The following SLC49A3 variants were observed in gnomAD, a reference collection of about 807,000 sequenced individuals.
The protein encoded by SLC49A3 is solute carrier family 49 member 3.
In SLC49A3, 50 loss-of-function variants were observed where a neutral mutation model predicts 43.8. The observed-to-expected ratio is 1.14, with a 90% CI of 0.91 to 1.45. The LOEUF (loss-of-function observed/expected upper bound fraction) is 1.45. Among genes scored for constraint, SLC49A3 ranks in the 40% most tolerant of loss-of-function variants. SLC49A3 has a pLI of 0.00. For synonymous variants in SLC49A3, 413 were observed against 352.0 expected (o/e 1.17, Z -1.94); for missense variants, 906 against 774.1 (o/e 1.17, Z -2.02).
upstream of SLC49A3, chr4:689,225 C>A (rs1741639624): frequency 3.8e-6 from 3 of 781,760 alleles, no homozygotes; most frequent in Non-Finnish European, 5.1e-6. Context: ...GGAGGTGGGG[C>A]CGGGCCGGGC....
chr4:677,195 C>T (rs1475738902), downstream of SLC49A3, among the ~76,000 whole-genome samples: 1 of 152,214 alleles, frequency 6.6e-6, no homozygotes, highest in Non-Finnish European at 1.5e-5. Flanking sequence ...TCCACTCAGC[C>T]TGTAGGCCTC....
At chr4:678,064 T>C, downstream of SLC49A3, 1 of 1,611,630 alleles carries the variant, frequency 6.2e-7, no homozygotes, top group Non-Finnish European at 8.5e-7. Flanking sequence ...GGGGCAGGCG[T>C]GTGGGTGTGA....
intron 1 of SLC49A3, among the ~76,000 whole-genome samples, chr4:687,509 C>T (rs1018329973): frequency 2.6e-5 from 4 of 152,212 alleles, no homozygotes; most frequent in Admixed American, 1.3e-4. Context: ...CCAGGCCCAG[C>T]TGGTGCCTGC....
At chr4:681,280 G>C, downstream of SLC49A3, 1 of 988,634 alleles carries the variant, frequency 1.0e-6, no homozygotes, top group South Asian at 1.5e-5. Context: ...GGGGGCTCCC[G>C]AAGTGCCCGT....
upstream of SLC49A3, among the ~76,000 whole-genome samples, chr4:689,862 T>A (rs1741728206): frequency 6.6e-6 from 1 of 152,204 alleles, no homozygotes; most frequent in South Asian, 2.1e-4. Flanking sequence ...CGGCTTAGTC[T>A]TTTCTGCAAG....
chr4:681,122 C>G, downstream of SLC49A3: 2 of 1,607,440 alleles, frequency 1.2e-6, no homozygotes, highest in Non-Finnish European at 1.7e-6. Flanking sequence ...CCCAGGCTGA[C>G]AAGATGACGG....
At chr4:690,058 A>G (rs1000864318), upstream of SLC49A3, among the ~76,000 whole-genome samples, 2 of 152,144 alleles carry the variant, frequency 1.3e-5, no homozygotes, top group African/African-American at 4.8e-5. Flanking sequence ...GAACAGTATT[A>G]TTCGTGGTTT....
rs1253864910 is a variant in SLC49A3 at position 682,181 on chromosome 4, G to T, written c.1457C>A (p.Thr486Lys). The T allele has an allele frequency of 7.9e-5, 107 of 1,355,486 alleles. No homozygotes were observed. Among genetic ancestry groups the T allele is most frequent in the Non-Finnish European group, 9.8e-5 (102 of 1,042,444 alleles). 84.0% of individuals were successfully genotyped at this position (1,355,486 alleles called of 1,614,324 possible). The change falls in exon 10 of 10, where the codon ACG becomes AAG. Residue 486 changes from threonine to lysine, a missense_variant. By Grantham distance (78) the Thr-to-Lys change is moderately conservative. Coordinates refer to ENST00000322224, the MANE Select transcript of SLC49A3 (RefSeq NM_032219.4). ...AGRAGVLGPSTATPECTARGA... is the reference protein window; with the variant it reads ...AGRAGVLGPSKATPECTARGA... ...CCTCGCCGTGCACTCCGGAGTCGCC[G>T]TGCTGGGCCCCAGGACCCCAGCCCT... is the stretch of plus-strand genomic sequence containing the variant.
downstream of SLC49A3, chr4:678,065 G>A (rs1424567225): frequency 1.2e-6 from 2 of 1,611,668 alleles, no homozygotes; most frequent in Admixed American, 1.7e-5. Flanking sequence ...GGGCAGGCGT[G>A]TGGGTGTGAG....
At chr4:684,140 T>C (rs1740490293) in intron 6 of SLC49A3, among the ~76,000 whole-genome samples, 1 of 152,206 alleles carries the variant, frequency 6.6e-6, no homozygotes, top group Non-Finnish European at 1.5e-5. Flanking sequence ...GCTGCACGTC[T>C]GGATACCAGA....
At chr4:681,677 G>A (rs1229257885), downstream of SLC49A3, 2 of 16,774 alleles carry the variant, frequency 1.2e-4, no homozygotes, top group Admixed American at 5.5e-4. Flanking sequence ...CCCCTCCAGC[G>A]CCGCCCCGCC....
At chr4:681,442 C>G (rs1362373954), downstream of SLC49A3, among the ~76,000 whole-genome samples, 25 of 150,940 alleles carry the variant, frequency 1.7e-4, no homozygotes, top group African/African-American at 4.9e-4. Flanking sequence ...AGCCGCCCCC[C>G]ACCCCCGACG....
At chr4:688,546 G>A (rs1036003532) in intron 1 of SLC49A3, among the ~76,000 whole-genome samples, 2 of 152,230 alleles carry the variant, frequency 1.3e-5, no homozygotes, top group African/African-American at 4.8e-5. Context: ...TGAAGGGGGT[G>A]GGGGCAGGAC....
chr4:678,569 CA>C (rs1739095014), downstream of SLC49A3: 2 of 1,517,648 alleles, frequency 1.3e-6, no homozygotes, highest in South Asian at 2.5e-5. Context: ...GTCCACCCTT[CA>C]TCTGAGTTAA....
At chr4:679,051 A>T, downstream of SLC49A3, 1 of 1,610,212 alleles carries the variant, frequency 6.2e-7, no homozygotes, top group East Asian at 2.2e-5. Context: ...CCCAGGCAGA[A>T]CGCCTCAGAG....
chr4:689,166 C>T (rs911786449), upstream of SLC49A3: 8 of 1,278,634 alleles, frequency 6.3e-6, no homozygotes, highest in Non-Finnish European at 7.9e-6. Context: ...GTCCCGCCGG[C>T]CGCCCGGGCT....
chr4:678,475 C>T (rs1331750998), downstream of SLC49A3: 19 of 1,433,768 alleles, frequency 1.3e-5, no homozygotes, highest in Middle Eastern at 2.6e-4. Flanking sequence ...CACCTGCAGC[C>T]GTCCTGCCCC....
rs1741106899 is a variant in SLC49A3, at chr4:686,683, A to G, written c.143T>C (p.Leu48Pro). ...LLNCSNATLW[L>P]SFAPVADVIA... ...GACGTCAGCCACAGGTGCAAAGCTG[A>G]GCCACAGCTGCAGGGGTCAGGCGGG... Residue 48 changes from leucine to proline, a missense_variant, in exon 2 of 10, where the codon CTC becomes CCC. Coordinates refer to ENST00000322224, the MANE Select transcript of SLC49A3 (RefSeq NM_032219.4). 2 of 1,612,588 alleles carry G rather than the reference A, an allele frequency of 1.2e-6. No individual in the cohort carries two copies. The highest frequency in any genetic ancestry group is 2.2e-5 in the South Asian group (2 of 91,052).
downstream of SLC49A3, chr4:681,689 C>A: frequency 2.1e-5 from 1 of 47,424 alleles, no homozygotes; most frequent in Non-Finnish European, 4.3e-5. Context: ...CGCCCCGCCC[C>A]CTCCAGCGCC....
Sources: allele counts gnomAD v4.1 joint callset (sites outside exome capture counted in the v4.1 genomes callset), GRCh38; gene constraint gnomAD v4.1.1; transcripts MANE v1.5; gene names NCBI Gene and HGNC (gene_info 2026-07-23, HGNC 2026-07-21).